The following TINAG variants were observed in gnomAD, a reference collection of about 807,000 sequenced individuals.
TINAG encodes the protein tubulointerstitial nephritis antigen.
In TINAG, 83 loss-of-function variants were observed where a neutral mutation model predicts 72.7. The observed-to-expected ratio is 1.14, with a 90% CI of 0.96 to 1.37. TINAG has a LOEUF of 1.37. TINAG is among the 40% of genes most tolerant of loss of function. The pLI is 0.00. For missense variants in TINAG, 685 were observed against 576.6 expected, an observed-to-expected ratio of 1.19 and a Z score of -1.93; for synonymous variants, 234 against 189.9, an observed-to-expected ratio of 1.23 and a Z score of -1.91.
chr6:54,326,833 G>C lies in TINAG; in HGVS notation c.541G>C (p.Gly181Arg), dbSNP rs138909464. The change falls in exon 4 of 11, where the codon GGA becomes CGA. Residue 181 changes from glycine to arginine, a missense_variant. Coordinates refer to ENST00000259782, the MANE Select transcript of TINAG (RefSeq NM_014464.4). Reference protein sequence around the residue: ...WTAQNYSQFWGMTLEDGFKFR... With the variant: ...WTAQNYSQFWRMTLEDGFKFR... ...AGCACAGAATTACAGCCAATTTTGG[G>C]GAATGACTTTAGAAGATGGTTTTAA... The C allele has an allele frequency of 6.2e-7, 1 of 1,611,248 alleles. No homozygotes were observed. The highest frequency in any genetic ancestry group is 1.3e-5 in the African/African-American group (1 of 74,752).
intron 5 of TINAG, among the ~76,000 whole-genome samples, chr6:54,344,651 T>C (rs1460077765): frequency 6.6e-6 from 1 of 152,114 alleles, no homozygotes; most frequent in East Asian, 1.9e-4. Flanking sequence ...ACATTTGTGG[T>C]GAAATACTGA....
rs867709738 is a variant in TINAG at position 54,360,844 on chromosome 6, T to G, written c.1250+6208T>G. Among the ~76,000 whole-genome samples the G allele has an allele frequency of 1.1e-4, 7 of 66,112 alleles. No homozygotes were observed. The South Asian group carries it at 2.5e-3, about 24-fold the overall frequency. The allele number at this position is 66,112 out of a possible 152,430, so 43.4% of individuals were successfully genotyped here. On this transcript the variant is annotated intron_variant, in intron 9 of 10. Transcript: ENST00000259782. ...TCTTGTGTTTCACAGATACTGTGTT[T>G]TTTTTTTTTTTTTTTTTTTTTTTTT...
chr6:54,387,692 TTATC>T (rs1383439746), intron 10 of TINAG, among the ~76,000 whole-genome samples: 23 of 152,276 alleles, frequency 1.5e-4, no homozygotes, highest in African/African-American at 4.6e-4. Context: ...TTAATACACT[TTATC>T]TATGTGACTG....
chr6:54,337,731 T>C (rs1784900252), intron 4 of TINAG, among the ~76,000 whole-genome samples: 1 of 152,110 alleles, frequency 6.6e-6, no homozygotes, highest in South Asian at 2.1e-4. Flanking sequence ...ATAACGACCA[T>C]TTTCTCCATA....
At chr6:54,315,400 G>A (rs1784349001) in intron 1 of TINAG, among the ~76,000 whole-genome samples, 1 of 152,010 alleles carries the variant, frequency 6.6e-6, no homozygotes, top group African/African-American at 2.4e-5. Flanking sequence ...TGGGTGTGGT[G>A]GCTCACACCT....
chr6:54,313,369 C>T (rs887065389), intron 1 of TINAG, among the ~76,000 whole-genome samples: 4 of 152,058 alleles, frequency 2.6e-5, no homozygotes, highest in African/African-American at 9.7e-5. Context: ...GAAATTCACC[C>T]CTCACAGAAC....
At position 54,332,117 on chromosome 6, in the gene TINAG, C is replaced by T. The variant is rs188511551; in HGVS notation, c.624+5201C>T. Among the ~76,000 whole-genome samples the T allele has an allele frequency of 1.4e-3, 217 of 152,200 alleles. 1 individual carries two copies. The highest frequency in any genetic ancestry group is 5.0e-3 in the African/African-American group (206 of 41,514). On this transcript the variant is annotated intron_variant, in intron 4 of 10. Coordinates refer to ENST00000259782, the MANE Select transcript of TINAG (RefSeq NM_014464.4). ...TTCTTCACAGAATTAGAAAATACTA[C>T]TTTAAATTTTATATGGAATGAAAAG...
intron 1 of TINAG, among the ~76,000 whole-genome samples, chr6:54,314,312 T>C (rs975245019): frequency 6.6e-6 from 1 of 152,156 alleles, no homozygotes; most frequent in African/African-American, 2.4e-5. Context: ...CTTGTAGTCA[T>C]GAGCTGCTTT....
At chr6:54,321,413 T>C (rs1291348734) in intron 3 of TINAG, 27 bp downstream of exon 3, 2 of 1,483,472 alleles carry the variant, frequency 1.3e-6, no homozygotes, top group Non-Finnish European at 1.9e-6. Flanking sequence ...TTTGTATGTT[T>C]CTTGACACTG....
At position 54,315,547 on chromosome 6, in the gene TINAG, A is replaced by G. The variant is rs144461861; in HGVS notation, c.356-5032A>G. On this transcript the variant is annotated intron_variant, in intron 1 of 10. Coordinates refer to ENST00000259782, the MANE Select transcript of TINAG (RefSeq NM_014464.4). Reference sequence around the variant, plus strand: ...ATAAAAATTAGCCAGTCATGGTGGCATACACTGTAGTCCCATCTACATGGG... The same window carrying G: ...ATAAAAATTAGCCAGTCATGGTGGCGTACACTGTAGTCCCATCTACATGGG... Among the ~76,000 whole-genome samples the G allele has an allele frequency of 4.0e-3, 601 of 152,090 alleles. 5 individuals carry two copies. The highest frequency in any genetic ancestry group is 0.014 in the African/African-American group (575 of 41,492).
At chr6:54,315,771 C>A (rs539318151) in intron 1 of TINAG, among the ~76,000 whole-genome samples, 1 of 151,990 alleles carries the variant, frequency 6.6e-6, no homozygotes, top group Non-Finnish European at 1.5e-5. Context: ...CTAGACATAA[C>A]CTTTTGGTAT....
intron 3 of TINAG, among the ~76,000 whole-genome samples, chr6:54,324,501 A>T (rs970151538): frequency 1.3e-5 from 2 of 152,184 alleles, no homozygotes; most frequent in African/African-American, 4.8e-5. Context: ...GGGTAAAGCA[A>T]GTTACTAGGC....
rs3777653 is a variant in TINAG at position 54,316,318 on chromosome 6, T to C, written c.356-4261T>C. On this transcript the variant is annotated intron_variant, in intron 1 of 10. Coordinates refer to ENST00000259782, the MANE Select transcript of TINAG (RefSeq NM_014464.4). ...GGTGGTATGTGACTTTGAAATATTT[T>C]AGGTAATCCTCATAAGTAAAAAAAT... 9.9e-3 allele frequency among the ~76,000 whole-genome samples: 1,502 copies of C among 152,290 alleles called. 38 individuals carry two copies. Among genetic ancestry groups the C allele is most frequent in the East Asian group, 0.062 (323 of 5,184 alleles).
At chr6:54,339,572 A>T (rs1582718511) in intron 4 of TINAG, among the ~76,000 whole-genome samples, 1 of 152,138 alleles carries the variant, frequency 6.6e-6, no homozygotes, top group South Asian at 2.1e-4. Context: ...AGGGGCTGGG[A>T]AGTGGGCAAT....
intron 4 of TINAG, among the ~76,000 whole-genome samples, chr6:54,337,501 G>T (rs1240942565): frequency 6.6e-6 from 1 of 151,916 alleles, no homozygotes; most frequent in Non-Finnish European, 1.5e-5. Flanking sequence ...TGATCCGCCC[G>T]CTTCGGCCTC....
At chr6:54,365,271 C>T (rs1763372893) in intron 9 of TINAG, 1 of 151,594 alleles carries the variant, frequency 6.6e-6, no homozygotes, top group Non-Finnish European at 1.5e-5. Flanking sequence ...GGCTTCTCTC[C>T]TCCTTGCACT....
intron 9 of TINAG, among the ~76,000 whole-genome samples, chr6:54,373,053 A>C (rs1421335188): frequency 1.3e-5 from 2 of 152,140 alleles, no homozygotes; most frequent in African/African-American, 2.4e-5. Flanking sequence ...AGATAAATGC[A>C]TTAAATATTA....
chr6:54,317,637 G>A (rs1784403395), intron 1 of TINAG, among the ~76,000 whole-genome samples: 1 of 152,132 alleles, frequency 6.6e-6, no homozygotes, highest in Non-Finnish European at 1.5e-5. Context: ...TATTAGCAGT[G>A]TGAGAACAGG....
intron 3 of TINAG, among the ~76,000 whole-genome samples, chr6:54,324,331 G>T (rs528805583): frequency 2.0e-4 from 30 of 152,266 alleles, no homozygotes; most frequent in Non-Finnish European, 3.7e-4. Context: ...ATGTCTTGTG[G>T]TTGGTGCAGG....
Sources: allele counts gnomAD v4.1 joint callset (sites outside exome capture counted in the v4.1 genomes callset), GRCh38; gene constraint gnomAD v4.1.1; transcripts MANE v1.5; gene names NCBI Gene and HGNC (gene_info 2026-07-23, HGNC 2026-07-21).